SLC25A21: variants seen among roughly 807,000 people sequenced by gnomAD.
SLC25A21 encodes solute carrier family 25 member 21.
Under a neutral mutation model 43.8 loss-of-function variants are expected in SLC25A21, and 47 were observed. That is an observed-to-expected ratio of 1.07 (90% CI 0.85 to 1.37). The LOEUF (loss-of-function observed/expected upper bound fraction) is 1.37. Among genes scored for constraint, SLC25A21 ranks in the 40% most tolerant of loss-of-function variants. The pLI is 0.00. For synonymous variants in SLC25A21, 131 were observed against 121.3 expected (o/e 1.08, Z -0.52); for missense variants, 352 against 350.2 (o/e 1.00, Z -0.04).
chr14:36,980,412 T>C (rs1227785951), intron 1 of SLC25A21, among the ~76,000 whole-genome samples: 1 of 152,242 alleles, frequency 6.6e-6, no homozygotes, highest in Admixed American at 6.5e-5. Flanking sequence ...TCTTTACACA[T>C]AGTCCCATAT....
intron 3 of SLC25A21, chr14:36,788,506 G>C (rs141778882): frequency 6.7e-6 from 1 of 148,558 alleles, no homozygotes; most frequent in African/African-American, 2.5e-5. Context: ...CCCCCTTTAC[G>C]GATCACCTGA....
intron 2 of SLC25A21, among the ~76,000 whole-genome samples, chr14:36,849,194 G>A (rs779798926): frequency 1.8e-4 from 28 of 152,096 alleles, no homozygotes; most frequent in Admixed American, 5.9e-4. Context: ...TTTGCTATGG[G>A]CTGCTTGGGG....
chr14:37,123,565 G>A (rs1473018907), intron 1 of SLC25A21, among the ~76,000 whole-genome samples: 1 of 152,048 alleles, frequency 6.6e-6, no homozygotes, highest in Non-Finnish European at 1.5e-5. Flanking sequence ...AGCCAACAAG[G>A]TTTTAATTAA....
At chr14:37,168,646 C>T (rs986642591) in intron 1 of SLC25A21, among the ~76,000 whole-genome samples, 5 of 150,148 alleles carry the variant, frequency 3.3e-5, no homozygotes, top group African/African-American at 1.2e-4. Flanking sequence ...GGACTAGAAC[C>T]GAAAAAAAAA....
Position 37,106,908 on chromosome 14 carries a change from C to A in SLC25A21, c.70+65373G>T, listed in dbSNP as rs554269896. On this transcript the variant is annotated intron_variant, in intron 1 of 9. Transcript: ENST00000331299. ...CAACACTTATGGAAAATAGAAAGAA[C>A]CTACGTTGAAATATTGGGGGCGGGT... is the stretch of plus-strand genomic sequence containing the variant. Among the ~76,000 whole-genome samples, 8 of 152,284 alleles carry A rather than the reference C, an allele frequency of 5.3e-5. No individual in the cohort carries two copies. In the East Asian group the frequency reaches 1.5e-3, roughly 29 times the overall value.
chr14:37,123,867 A>T (rs1169135265), intron 1 of SLC25A21, among the ~76,000 whole-genome samples: 8 of 152,136 alleles, frequency 5.3e-5, no homozygotes, highest in Admixed American at 5.2e-4. Flanking sequence ...CCATAAATAA[A>T]AATTAAATAA....
At chr14:36,747,031 C>A (rs1009217325) in intron 3 of SLC25A21, among the ~76,000 whole-genome samples, 2 of 152,068 alleles carry the variant, frequency 1.3e-5, no homozygotes, top group African/African-American at 4.8e-5. Context: ...ACATATACAT[C>A]TATATGTATA....
At chr14:37,090,727 A>G (rs1962568853) in intron 1 of SLC25A21, among the ~76,000 whole-genome samples, 1 of 152,236 alleles carries the variant, frequency 6.6e-6, no homozygotes, top group South Asian at 2.1e-4. Flanking sequence ...AATAAAAACA[A>G]CATGTTTACC....
intron 3 of SLC25A21, among the ~76,000 whole-genome samples, chr14:36,773,744 T>C (rs1886713353): frequency 6.6e-6 from 1 of 152,150 alleles, no homozygotes; most frequent in South Asian, 2.1e-4. Context: ...GTCAACAGGA[T>C]AGAGATGAGA....
chr14:37,172,069 G>A (rs1964139991), intron 1 of SLC25A21: 1 of 546,398 alleles, frequency 1.8e-6, no homozygotes, highest in Non-Finnish European at 3.2e-6. Flanking sequence ...CGCGGACGCC[G>A]AGGCAACTTT....
chr14:36,923,500 A>G (rs573517137), intron 1 of SLC25A21, among the ~76,000 whole-genome samples: 2 of 152,314 alleles, frequency 1.3e-5, no homozygotes, highest in South Asian at 4.1e-4. Context: ...GAAGAACAAT[A>G]GAAATGATAC....
chr14:36,931,056 G>C (rs529084109), intron 1 of SLC25A21, among the ~76,000 whole-genome samples: 10 of 151,920 alleles, frequency 6.6e-5, no homozygotes, highest in Admixed American at 5.9e-4. Flanking sequence ...CCACAGACTC[G>C]GGTTCTTTTT....
chr14:36,684,658 T>C (rs1882447858), intron 8 of SLC25A21, 86 bp downstream of exon 8: 8 of 1,286,494 alleles, frequency 6.2e-6, no homozygotes, highest in Non-Finnish European at 8.5e-6. Context: ...GAGGGCTTAC[T>C]GGTTCTCATC....
At chr14:36,916,149 C>T (rs1891826318) in intron 1 of SLC25A21, among the ~76,000 whole-genome samples, 2 of 152,280 alleles carry the variant, frequency 1.3e-5, no homozygotes, top group African/African-American at 4.8e-5. Context: ...TTCCTAGATT[C>T]TCAGCAACTT....
At chr14:36,985,338 T>A (rs536443313) in intron 1 of SLC25A21, among the ~76,000 whole-genome samples, 2 of 152,210 alleles carry the variant, frequency 1.3e-5, no homozygotes. Context: ...AATGTGCACA[T>A]GTACCCTAAA....
chr14:36,780,873 C>G (rs1202883288), intron 3 of SLC25A21, among the ~76,000 whole-genome samples: 1 of 151,972 alleles, frequency 6.6e-6, no homozygotes, highest in Non-Finnish European at 1.5e-5. Flanking sequence ...TCTAATGTTT[C>G]CTTGTTGATT....
intron 3 of SLC25A21, 70 bp from the exon 4 acceptor site, chr14:36,734,643 ATAATCC>A: frequency 8.3e-7 from 1 of 1,205,674 alleles, no homozygotes; most frequent in Non-Finnish European, 1.2e-6. Context: ...CTTTGTTAAG[ATAATCC>A]TAAAGTATTC....
chr14:37,096,706 T>C (rs901558774), intron 1 of SLC25A21, among the ~76,000 whole-genome samples: 1 of 152,198 alleles, frequency 6.6e-6, no homozygotes, highest in Non-Finnish European at 1.5e-5. Context: ...CCAGGATTTC[T>C]GTTGATTTTT....
intron 1 of SLC25A21, among the ~76,000 whole-genome samples, chr14:37,131,498 G>A (rs1327583700): frequency 6.6e-6 from 1 of 152,158 alleles, no homozygotes; most frequent in Non-Finnish European, 1.5e-5. Context: ...TGTCTGCACT[G>A]GCCATTGTGG....
Sources: gnomAD v4.1 joint callset for allele counts (sites outside exome capture counted in the v4.1 genomes callset) on GRCh38, gnomAD v4.1.1 for gene constraint, MANE v1.5 for transcripts, NCBI Gene and HGNC (gene_info 2026-07-23, HGNC 2026-07-21) for gene names.